The following MCF2L2 variants were observed in gnomAD, a reference collection of about 807,000 sequenced individuals.
MCF2L2 encodes probable guanine nucleotide exchange factor MCF2L2.
MCF2L2 carries 102 observed loss-of-function variants against 150.2 expected under a neutral mutation model. The observed-to-expected ratio is 0.68, with a 90% CI of 0.58 to 0.80. MCF2L2 has a LOEUF of 0.80. MCF2L2 is among the 30% of genes least tolerant of loss of function. The pLI is 0.00. For synonymous variants in MCF2L2, 465 were observed against 491.3 expected, an observed-to-expected ratio of 0.95 and a Z score of 0.71; for missense variants, 1,256 against 1,372.8, an observed-to-expected ratio of 0.91 and a Z score of 1.34.
At chr3:183,408,135 T>A (rs1715137881) in intron 1 of MCF2L2, among the ~76,000 whole-genome samples, 1 of 152,126 alleles carries the variant, frequency 6.6e-6, no homozygotes, top group Non-Finnish European at 1.5e-5. Context: ...TGTGCATGAT[T>A]TTTGAGACAC....
intron 1 of MCF2L2, among the ~76,000 whole-genome samples, chr3:183,391,455 G>T (rs1368829878): frequency 6.6e-6 from 1 of 152,110 alleles, no homozygotes; most frequent in East Asian, 1.9e-4. Context: ...CTGTTCATTC[G>T]GTGGGTGTAA....
At chr3:183,238,242 ATTT>A (rs539424224) in intron 15 of MCF2L2, among the ~76,000 whole-genome samples, 60 of 112,730 alleles carry the variant, frequency 5.3e-4, no homozygotes, top group Middle Eastern at 5.1e-3. Context: ...TTTTTTTGCG[ATTT>A]TTTTTTTTTT....
At chr3:183,301,808 A>G (rs1019695445) in intron 10 of MCF2L2, among the ~76,000 whole-genome samples, 3 of 151,698 alleles carry the variant, frequency 2.0e-5, no homozygotes, top group South Asian at 2.1e-4. Context: ...AAAAAAAAAA[A>G]AGAGAAAAGA....
intron 3 of MCF2L2, among the ~76,000 whole-genome samples, chr3:183,371,491 G>A (rs1452292827): frequency 1.4e-5 from 2 of 141,904 alleles, no homozygotes; most frequent in Non-Finnish European, 3.0e-5. Flanking sequence ...TTTTTGAGAC[G>A]GAGTCTCACT....
At chr3:183,388,791 A>G (rs899286870) in intron 2 of MCF2L2, among the ~76,000 whole-genome samples, 10 of 152,316 alleles carry the variant, frequency 6.6e-5, no homozygotes, top group Non-Finnish European at 1.0e-4. Flanking sequence ...CTGAGTTCGC[A>G]TCTCCTTCAA....
At chr3:183,295,224 TAGACAACC>T (rs1728427090) in intron 13 of MCF2L2, 68 bp downstream of exon 13, 1 of 1,427,892 alleles carries the variant, frequency 7.0e-7, no homozygotes. Flanking sequence ...TTATCCATTG[TAGACAACC>T]AGTCACAGTC....
intron 15 of MCF2L2, chr3:183,272,979 A>G: frequency 6.8e-7 from 1 of 1,461,718 alleles, no homozygotes; most frequent in South Asian, 1.4e-5. Flanking sequence ...ATTTCAAGGA[A>G]ATATGAAGGC....
intron 3 of MCF2L2, chr3:183,378,855 G>GAA (rs751688351): frequency 2.3e-5 from 3 of 129,842 alleles, no homozygotes; most frequent in Admixed American, 7.9e-5. Context: ...CCTCTCTGCT[G>GAA]AAAAAAAAAA....
intron 25 of MCF2L2, among the ~76,000 whole-genome samples, chr3:183,200,566 T>C (rs1722241943): frequency 2.0e-5 from 3 of 152,230 alleles, no homozygotes; most frequent in Admixed American, 1.3e-4. Flanking sequence ...TCTCCCATTC[T>C]GTAAGTTGCC....
intron 14 of MCF2L2, among the ~76,000 whole-genome samples, chr3:183,282,761 A>T (rs1727574371): frequency 6.6e-6 from 1 of 152,214 alleles, no homozygotes; most frequent in Non-Finnish European, 1.5e-5. Flanking sequence ...CAAATCAGAA[A>T]AGTACTTTAT....
intron 11 of MCF2L2, chr3:183,298,393 GTCTT>G (rs1165591129): frequency 3.9e-5 from 6 of 152,216 alleles, no homozygotes; most frequent in African/African-American, 7.2e-5. Context: ...CAAAGTGGTT[GTCTT>G]TCTAAGTGGG....
intron 15 of MCF2L2, among the ~76,000 whole-genome samples, chr3:183,232,230 G>C (rs2108674173): frequency 6.6e-6 from 1 of 152,284 alleles, no homozygotes; most frequent in East Asian, 1.9e-4. Flanking sequence ...CAGCAAGGAA[G>C]GGAAATCAGT....
intron 15 of MCF2L2, chr3:183,253,960 G>T (rs1031733937): frequency 1.2e-4 from 18 of 152,178 alleles, no homozygotes; most frequent in African/African-American, 4.1e-4. Context: ...GGCGGGATAC[G>T]TCTCCAGGCC....
Position 183,270,766 on chromosome 3 carries a change from A to G in MCF2L2, c.1862+6106T>C. 2 of 1,613,824 alleles carry G rather than the reference A, an allele frequency of 1.2e-6. No individual in the cohort carries two copies. The highest frequency in any genetic ancestry group is 1.7e-6 in the Non-Finnish European group (2 of 1,179,862). On this transcript the variant is annotated intron_variant, in intron 15 of 29. Transcript: ENST00000328913. The surrounding 1 kb of genome is among the most constrained non-coding windows in gnomAD (Gnocchi z 4.5). ...ATCTATGAAAAAATGATGACATCTC[A>G]TGGACACTTAGAAGATCTCCAGGAC...
chr3:183,404,534 CT>C (rs1229617854), intron 1 of MCF2L2, among the ~76,000 whole-genome samples: 1 of 152,176 alleles, frequency 6.6e-6, no homozygotes, highest in Non-Finnish European at 1.5e-5. Flanking sequence ...CACTTACACT[CT>C]CTAATCCAAT....
intron 25 of MCF2L2, among the ~76,000 whole-genome samples, chr3:183,202,415 AG>A (rs1479563361): frequency 6.6e-6 from 1 of 152,228 alleles, no homozygotes; most frequent in Non-Finnish European, 1.5e-5. Context: ...ATGAGACTCT[AG>A]AAGACCATGC....
chr3:183,181,825 TC>T lies in MCF2L2; in HGVS notation c.3017-1667del, dbSNP rs1393206721. 6.6e-6 allele frequency among the ~76,000 whole-genome samples: 1 copy of T among 152,102 alleles called. No individual in the cohort carries two copies. On this transcript the variant is annotated intron_variant, in intron 27 of 29. Transcript: ENST00000328913. The surrounding 1 kb of genome is among the most constrained non-coding windows in gnomAD (Gnocchi z 4.3). ...GCGGTTGGGCCTGGCTCAGGAGCCT[TC>T]GTCAGCCATAGGCAGCCACAGCCTG...
intron 10 of MCF2L2, among the ~76,000 whole-genome samples, chr3:183,301,288 C>T (rs1048317117): frequency 6.6e-6 from 1 of 152,126 alleles, no homozygotes; most frequent in Non-Finnish European, 1.5e-5. Context: ...ACCCCCACCT[C>T]ATGAAATGAA....
At position 183,229,785 on chromosome 3, in the gene MCF2L2, C is replaced by A; in HGVS notation, c.1930-4G>T. The A allele has an allele frequency of 1.5e-6, 2 of 1,337,864 alleles. No individual in the cohort carries two copies. The highest frequency in any genetic ancestry group is 2.9e-5 in the African/African-American group (2 of 69,038). 82.9% of individuals were successfully genotyped at this position (1,337,864 alleles called of 1,614,324 possible). On this transcript the variant is annotated splice_polypyrimidine_tract_variant and splice_region_variant and intron_variant, in intron 16 of 29. Coordinates refer to ENST00000328913, the MANE Select transcript of MCF2L2 (RefSeq NM_015078.4). ...AATCCATTGGAGTGATATATCCCTG[C>A]AGAGGTGCAAACAAGGTAGGTGTTA...
Sources: allele counts gnomAD v4.1 joint callset (sites outside exome capture counted in the v4.1 genomes callset), GRCh38; gene constraint gnomAD v4.1.1; non-coding constraint Gnocchi (gnomAD v3.1); transcripts MANE v1.5; gene names NCBI Gene and HGNC (gene_info 2026-07-23, HGNC 2026-07-21).